The following CLDN16 variants were observed in gnomAD, a reference collection of about 807,000 sequenced individuals.
The protein encoded by CLDN16 is claudin 16, also known as claudin-16.
CLDN16 carries 13 observed loss-of-function variants against 24.6 expected under a neutral mutation model. That is an observed-to-expected ratio of 0.53 (90% confidence interval 0.34 to 0.84). CLDN16 has a LOEUF of 0.84. Among genes scored for constraint, CLDN16 ranks in the 40% least tolerant of loss-of-function variants. The pLI, the probability that CLDN16 is intolerant of heterozygous loss-of-function variation, is 0.01. For missense variants in CLDN16, 298 were observed against 292.7 expected (o/e 1.02, Z -0.13); for synonymous variants, 116 against 106.7 (o/e 1.09, Z -0.54).
At chr3:190,349,879 A>G (rs1190589325) in intron 1 of CLDN16, among the ~76,000 whole-genome samples, 2 of 152,208 alleles carry the variant, frequency 1.3e-5, no homozygotes, top group Admixed American at 6.5e-5. Context: ...CTGCAGGTAT[A>G]TAAGTGAGTT....
At chr3:190,378,268 A>G (rs1167335676) in intron 3 of CLDN16, among the ~76,000 whole-genome samples, 3 of 151,998 alleles carry the variant, frequency 2.0e-5, no homozygotes, top group Non-Finnish European at 4.4e-5. Context: ...AAGATCCTTG[A>G]AGATGAAGGA....
chr3:190,352,347 T>C (rs1717687612), intron 1 of CLDN16, among the ~76,000 whole-genome samples: 3 of 152,120 alleles, frequency 2.0e-5, no homozygotes, highest in South Asian at 4.1e-4. Flanking sequence ...TTTAATTATA[T>C]TGGAATAGCT....
intron 3 of CLDN16, among the ~76,000 whole-genome samples, chr3:190,376,951 A>G (rs1158292139): frequency 2.6e-5 from 4 of 152,002 alleles, no homozygotes; most frequent in Admixed American, 1.3e-4. Flanking sequence ...AACAGGCTTT[A>G]GAATCAACTA....
At chr3:190,298,637 T>C in the CLDN16 span, among the ~76,000 whole-genome samples, 2 of 152,084 alleles carry the variant, frequency 1.3e-5, no homozygotes, top group Non-Finnish European at 2.9e-5. Flanking sequence ...GTATTTTTAG[T>C]AGAAACAGGG....
At chr3:190,356,599 T>C (rs1377280529) in intron 1 of CLDN16, among the ~76,000 whole-genome samples, 1 of 151,876 alleles carries the variant, frequency 6.6e-6, no homozygotes, top group Non-Finnish European at 1.5e-5. Context: ...CTAAAACATA[T>C]AAAATAATTT....
intron 1 of CLDN16, among the ~76,000 whole-genome samples, chr3:190,338,241 G>C (rs538331798): frequency 6.6e-6 from 1 of 152,290 alleles, no homozygotes; most frequent in South Asian, 2.1e-4. Flanking sequence ...AGGGACACAA[G>C]AGTCTCATAG....
chr3:190,376,655 C>T (rs952087970), intron 3 of CLDN16, among the ~76,000 whole-genome samples: 1 of 151,856 alleles, frequency 6.6e-6, no homozygotes, highest in Non-Finnish European at 1.5e-5. Flanking sequence ...CGAATGTATT[C>T]GTTTAGGTAT....
intron 1 of CLDN16, among the ~76,000 whole-genome samples, chr3:190,324,019 G>A (rs1717001587): frequency 6.6e-6 from 1 of 152,200 alleles, no homozygotes; most frequent in Non-Finnish European, 1.5e-5. Context: ...GCCTGTCAGT[G>A]TGGATGAAGA....
chr3:190,335,506 A>G (rs1490622778), intron 1 of CLDN16, among the ~76,000 whole-genome samples: 1 of 152,046 alleles, frequency 6.6e-6, no homozygotes, highest in Non-Finnish European at 1.5e-5. Context: ...TGAGGTCAGG[A>G]GATCAAGACC....
the CLDN16 span, among the ~76,000 whole-genome samples, chr3:190,300,673 A>T: frequency 6.6e-6 from 1 of 152,218 alleles, no homozygotes; most frequent in Non-Finnish European, 1.5e-5. Flanking sequence ...CCTGGCAAAG[A>T]CTTTTGCTAT....
chr3:190,352,200 A>T lies in CLDN16; in HGVS notation n.122-18693A>T, dbSNP rs191097701. On this transcript the variant is annotated intron_variant and non_coding_transcript_variant, in intron 1 of 4. Transcript: ENST00000468220. The stretch of plus-strand genomic sequence containing the variant: ...GTAAAACAATAAAAAAGGAAGGGGG[A>T]TCAGGATAGCTTCTTTACAACTTCA... Among the ~76,000 whole-genome samples, 249 of 152,024 alleles carry T rather than the reference A, an allele frequency of 1.6e-3. 2 individuals are homozygous for T. The highest frequency in any genetic ancestry group is 4.9e-3 in the African/African-American group (202 of 41,504).
At chr3:190,335,908 T>C (rs1018604994) in intron 1 of CLDN16, among the ~76,000 whole-genome samples, 3 of 152,110 alleles carry the variant, frequency 2.0e-5, no homozygotes, top group Non-Finnish European at 2.9e-5. Flanking sequence ...AGACCCCAGC[T>C]TGGTAGTAAG....
chr3:190,395,260 C>G (rs1718788497), intron 1 of CLDN16, among the ~76,000 whole-genome samples: 1 of 152,020 alleles, frequency 6.6e-6, no homozygotes, highest in Non-Finnish European at 1.5e-5. Context: ...TACCTTTAGC[C>G]AGTGCTCCAC....
At chr3:190,361,175 C>T (rs1263765481) in intron 1 of CLDN16, among the ~76,000 whole-genome samples, 1 of 151,872 alleles carries the variant, frequency 6.6e-6, no homozygotes, top group Non-Finnish European at 1.5e-5. Context: ...TACCCAGCAC[C>T]CACTATGTGC....
intron 1 of CLDN16, among the ~76,000 whole-genome samples, chr3:190,393,661 G>A (rs1389100865): frequency 6.6e-6 from 1 of 151,068 alleles, no homozygotes; most frequent in Non-Finnish European, 1.5e-5. Context: ...GCTGAACAGA[G>A]AAATATAAGG....
At chr3:190,311,691 T>C in the CLDN16 span, among the ~76,000 whole-genome samples, 43 of 151,264 alleles carry the variant, frequency 2.8e-4, no homozygotes, top group African/African-American at 9.7e-4. Context: ...TCTATTATTA[T>C]AGCTGTATAA....
At chr3:190,408,568 A>G (rs962240666) in intron 4 of CLDN16, 63 bp downstream of exon 4, 9 of 1,458,718 alleles carry the variant, frequency 6.2e-6, no homozygotes, top group Non-Finnish European at 7.6e-6. Flanking sequence ...AATCCAGTGG[A>G]AACAAATTTC....
intron 1 of CLDN16, among the ~76,000 whole-genome samples, chr3:190,329,275 A>G (rs1332990723): frequency 6.6e-6 from 1 of 152,156 alleles, no homozygotes; most frequent in Non-Finnish European, 1.5e-5. Flanking sequence ...GGTGAAAGTG[A>G]ATATTTATAC....
At chr3:190,384,922 A>T (rs1354958395), upstream of CLDN16, among the ~76,000 whole-genome samples, 5 of 152,186 alleles carry the variant, frequency 3.3e-5, no homozygotes, top group African/African-American at 1.2e-4. Context: ...CATGTTTATA[A>T]TAAATTGGAA....
Sources: gnomAD v4.1 joint callset for allele counts (sites outside exome capture counted in the v4.1 genomes callset) on GRCh38, gnomAD v4.1.1 for gene constraint, MANE v1.5 for transcripts, NCBI Gene and HGNC (gene_info 2026-07-23, HGNC 2026-07-21) for gene names.